The following CROCC2 variants were observed in gnomAD, a reference collection of about 807,000 sequenced individuals.
The protein encoded by CROCC2 is ciliary rootlet coiled-coil protein 2.
CROCC2 carries 163 observed loss-of-function variants against 177.6 expected under a neutral mutation model. That is an observed-to-expected ratio of 0.92 (90% CI 0.81 to 1.05). The LOEUF is 1.05. Among genes scored for constraint, CROCC2 ranks in the 50% least tolerant of loss-of-function variants. The probability of loss-of-function intolerance (pLI) is 0.00; values close to 1 mark genes in which losing one functional copy is unlikely to be tolerated. For synonymous variants in CROCC2, 904 were observed against 787.3 expected (o/e 1.15, Z -2.48); for missense variants, 1,929 against 1,797.8 (o/e 1.07, Z -1.32).
intron 15 of CROCC2, among the ~76,000 whole-genome samples, 170 bp from the exon 16 acceptor site, chr2:240,948,809 T>C (rs967771885): frequency 7.2e-5 from 11 of 152,238 alleles, no homozygotes; most frequent in African/African-American, 2.7e-4. Context: ...AGTTTCCTCA[T>C]CCTTGTTAAC....
intron 7 of CROCC2, 34 bp from the exon 8 acceptor site, chr2:240,932,284 G>A: frequency 1.4e-6 from 1 of 696,976 alleles, no homozygotes; most frequent in Non-Finnish European, 2.7e-6. Flanking sequence ...TCTGGGCCCT[G>A]CCCTTCACCC....
At chr2:240,971,938 C>T (rs750548571) in intron 27 of CROCC2, among the ~76,000 whole-genome samples, 51 of 152,200 alleles carry the variant, frequency 3.4e-4, no homozygotes, top group African/African-American at 7.9e-4. Flanking sequence ...TGGCCTCGTT[C>T]GGCCTGAGTT....
intron 5 of CROCC2, among the ~76,000 whole-genome samples, chr2:240,926,185 T>C (rs1210012409): frequency 6.6e-6 from 1 of 152,184 alleles, no homozygotes; most frequent in East Asian, 1.9e-4. Flanking sequence ...AGGCAGGTTG[T>C]TCTCCGTAGG....
At chr2:240,927,310 G>A (rs190163266) in intron 5 of CROCC2, among the ~76,000 whole-genome samples, 48 of 152,172 alleles carry the variant, frequency 3.2e-4, no homozygotes, top group African/African-American at 1.1e-3. Context: ...TAGGGTTCGC[G>A]GAACCTCTGT....
intron 5 of CROCC2, among the ~76,000 whole-genome samples, chr2:240,928,420 T>TGTGTG (rs2059406929): frequency 6.8e-6 from 1 of 147,666 alleles, no homozygotes; most frequent in African/African-American, 2.5e-5. Flanking sequence ...TGTGCCTGTT[T>TGTGTG]TGTGTGTGTG....
intron 10 of CROCC2, 129 bp from the exon 11 acceptor site, chr2:240,933,541 C>T: frequency 1.7e-6 from 2 of 1,198,626 alleles, no homozygotes; most frequent in Non-Finnish European, 2.3e-6. Flanking sequence ...ACCCTGTCTG[C>T]TTCTCAGGCT....
intron 14 of CROCC2, among the ~76,000 whole-genome samples, chr2:240,942,357 TTGAG>T (rs1336073715): frequency 6.6e-6 from 1 of 152,342 alleles, no homozygotes; most frequent in East Asian, 1.9e-4. Flanking sequence ...CTTTTCCTTC[TTGAG>T]TATGTTTTTA....
intron 27 of CROCC2, among the ~76,000 whole-genome samples, chr2:240,971,389 G>A (rs1302151243): frequency 6.6e-6 from 1 of 152,190 alleles, no homozygotes; most frequent in African/African-American, 2.4e-5. Context: ...ACTCCATGCC[G>A]CTGGTTTGAT....
At chr2:240,929,024 G>A (rs1160728766) in intron 5 of CROCC2, among the ~76,000 whole-genome samples, 1 of 151,738 alleles carries the variant, frequency 6.6e-6, no homozygotes, top group African/African-American at 2.4e-5. Context: ...CAGGTGTAAT[G>A]GGCACAGAGG....
chr2:240,945,215 C>T (rs1281535445), intron 14 of CROCC2, among the ~76,000 whole-genome samples: 1 of 152,210 alleles, frequency 6.6e-6, no homozygotes, highest in East Asian at 1.9e-4. Context: ...GGATTATAGG[C>T]GTGAGCCGCC....
In CROCC2 at chr2:240,959,449, G is replaced by A. The variant is rs938061100; in HGVS notation, c.3087+5G>A. On this transcript the variant is annotated splice_donor_5th_base_variant and intron_variant, in intron 20 of 31. Coordinates refer to ENST00000690015, the MANE Select transcript of CROCC2 (RefSeq NM_001351305.2). The stretch of plus-strand genomic sequence containing the variant: ...CGGGGCGATGTGGAGAGAGAGGTGA[G>A]AGGCAGGGCTGGGGGGCTCCTGGGG... The A allele has an allele frequency of 1.3e-6, 2 of 1,549,900 alleles. No homozygotes were observed. The highest frequency in any genetic ancestry group is 2.7e-5 in the African/African-American group (2 of 73,034).
chr2:240,964,777 A>G (rs2059667295), intron 22 of CROCC2, among the ~76,000 whole-genome samples, 152 bp downstream of exon 22: 2 of 152,190 alleles, frequency 1.3e-5, no homozygotes, highest in African/African-American at 4.8e-5. Context: ...TCAGGCTCAC[A>G]GGGTCCCTGG....
chr2:240,967,155 G>A (rs143506076), intron 25 of CROCC2, among the ~76,000 whole-genome samples, 190 bp from the exon 26 acceptor site: 20 of 152,156 alleles, frequency 1.3e-4, no homozygotes, highest in Middle Eastern at 3.4e-3. Context: ...GCAGGTCAGC[G>A]CAGCTTCCCA....
At chr2:240,941,394 A>G (rs2059493780) in intron 14 of CROCC2, among the ~76,000 whole-genome samples, 1 of 152,254 alleles carries the variant, frequency 6.6e-6, no homozygotes, top group East Asian at 1.9e-4. Context: ...TGCAAAAAGC[A>G]AATCTGGAGG....
At position 240,932,861 on chromosome 2, in the gene CROCC2, C is replaced by T; in HGVS notation, c.1204C>T (p.Leu402=). 6.5e-7 allele frequency: 1 copy of T among 1,546,850 alleles called. No individual in the cohort carries two copies. The highest frequency in any genetic ancestry group is 1.2e-5 in the South Asian group (1 of 83,524). The change falls in exon 9 of 32, where the codon CTG becomes TTG. Residue 402 remains leucine (L), a synonymous_variant. Coordinates refer to ENST00000690015, the MANE Select transcript of CROCC2 (RefSeq NM_001351305.2). ...CTCCCCAGCCACCCTGGACCCCGCACTGCAGGCCATGCGGGCAGCCATAGA... is the reference window on the plus strand; with the variant it reads ...CTCCCCAGCCACCCTGGACCCCGCATTGCAGGCCATGCGGGCAGCCATAGA... ...ICSPATLDPA[L]QAMRAAIERR... is the part of the protein sequence containing the mutation.
intron 27 of CROCC2, among the ~76,000 whole-genome samples, chr2:240,970,737 A>G (rs1288444570): frequency 1.3e-5 from 2 of 152,118 alleles, no homozygotes; most frequent in East Asian, 3.9e-4. Flanking sequence ...TGTAGGTTGA[A>G]CTTCTCTTGG....
At chr2:240,965,352 A>G (rs1266551403) in intron 22 of CROCC2, 29 bp from the exon 23 acceptor site, 1 of 1,548,126 alleles carries the variant, frequency 6.5e-7, no homozygotes, top group African/African-American at 1.4e-5. Flanking sequence ...GAGACCAGTG[A>G]CCCTGTCCGT....
intron 1 of CROCC2, among the ~76,000 whole-genome samples, chr2:240,914,784 G>C (rs1031533520): frequency 5.3e-5 from 8 of 152,192 alleles, no homozygotes; most frequent in African/African-American, 1.9e-4. Flanking sequence ...ACGGGACGAC[G>C]GGGTGGTGGG....
rs2059523450 is a variant in CROCC2 at position 240,946,229 on chromosome 2, C to T, written c.2339C>T (p.Ala780Val). The change falls in exon 15 of 32, where the codon GCA becomes GTA. Residue 780 changes from alanine to valine, a missense_variant. By Grantham distance (64) the Ala-to-Val change is moderately conservative (BLOSUM62 0). Coordinates refer to ENST00000690015, the MANE Select transcript of CROCC2 (RefSeq NM_001351305.2). ...QEALERQGRL[A>V]AEEAADLRVE... Reference sequence around the variant, plus strand: ...GCCTTGGAGAGGCAGGGCCGGCTCGCAGCTGAAGAGGCAGCTGATCTCAGG... The same window carrying T: ...GCCTTGGAGAGGCAGGGCCGGCTCGTAGCTGAAGAGGCAGCTGATCTCAGG... 1.3e-6 allele frequency: 2 copies of T among 1,536,632 alleles called. No homozygotes were observed. Among genetic ancestry groups the T allele is most frequent in the African/African-American group, 2.7e-5 (2 of 72,830 alleles).
Sources: gnomAD v4.1 joint callset for allele counts (sites outside exome capture counted in the v4.1 genomes callset) on GRCh38, gnomAD v4.1.1 for gene constraint, MANE v1.5 for transcripts, NCBI Gene and HGNC (gene_info 2026-07-23, HGNC 2026-07-21) for gene names.